BBS7: variants seen among roughly 807,000 people sequenced by gnomAD.
BBS7 encodes Bardet-Biedl syndrome 7.
In BBS7, 50 loss-of-function variants were observed where a neutral mutation model predicts 90.3. The ratio of observed to expected loss-of-function variants is 0.55; its 90% CI spans 0.44 to 0.70. The LOEUF is 0.70. Ranked by LOEUF, BBS7 falls within the 30% of genes least tolerant of loss-of-function variation. The pLI is 0.00. For synonymous variants in BBS7, 235 were observed against 287.4 expected (o/e 0.82, Z 1.85); for missense variants, 729 against 838.9 (o/e 0.87, Z 1.62).
At chr4:121,847,559 G>T in intron 9 of BBS7, 53 bp from the exon 10 acceptor site, 1 of 1,258,162 alleles carries the variant, frequency 7.9e-7, no homozygotes, top group South Asian at 1.2e-5. Context: ...GTGTTAAAAA[G>T]ATAAATTATG....
intron 1 of BBS7, among the ~76,000 whole-genome samples, chr4:121,868,396 C>T (rs191854477): frequency 2.1e-4 from 32 of 152,038 alleles, no homozygotes; most frequent in African/African-American, 5.8e-4. Context: ...AAAAATGCAA[C>T]GGAAGACCAC....
intron 3 of BBS7, among the ~76,000 whole-genome samples, chr4:121,862,614 T>C (rs879503549): frequency 1.3e-5 from 2 of 152,212 alleles, no homozygotes; most frequent in Non-Finnish European, 2.9e-5. Context: ...ATGATTACAT[T>C]ATGCTACATA....
chr4:121,855,247 G>A (rs752655708), intron 6 of BBS7, among the ~76,000 whole-genome samples: 23 of 152,090 alleles, frequency 1.5e-4, no homozygotes, highest in Non-Finnish European at 2.8e-4. Flanking sequence ...GGTCGAGGCC[G>A]TGGTGAGCTG....
At chr4:121,836,742 T>C (rs905191469) in intron 13 of BBS7, among the ~76,000 whole-genome samples, 4 of 152,204 alleles carry the variant, frequency 2.6e-5, no homozygotes, top group African/African-American at 7.2e-5. Flanking sequence ...TCTATTTTCC[T>C]AAGTGGCTGT....
chr4:121,840,770 C>T (rs1725696640), intron 12 of BBS7, among the ~76,000 whole-genome samples: 1 of 151,634 alleles, frequency 6.6e-6, no homozygotes, highest in Non-Finnish European at 1.5e-5. Flanking sequence ...AAATATAAAA[C>T]TCAAACATTT....
chr4:121,870,324 C>T lies in BBS7; in HGVS notation c.-11G>A. ...TAAAATCAGATCCATGATGACTACG[C>T]GGAGGGGCTAAGCAGCGCCGGACAA... On this transcript the variant is annotated 5_prime_UTR_variant, in exon 1 of 19. Transcript: ENST00000264499. 5.0e-6 allele frequency: 8 copies of T among 1,614,126 alleles called. No individual in the cohort carries two copies. Among genetic ancestry groups the T allele is most frequent in the Non-Finnish European group, 6.8e-6 (8 of 1,179,988 alleles).
chr4:121,832,491 C>G (rs1372050493), intron 15 of BBS7, among the ~76,000 whole-genome samples: 1 of 152,090 alleles, frequency 6.6e-6, no homozygotes, highest in Non-Finnish European at 1.5e-5. Context: ...ATTTCACATT[C>G]AGAGACAGGT....
At chr4:121,866,655 G>A (rs140886180) in intron 2 of BBS7, among the ~76,000 whole-genome samples, 1 of 152,270 alleles carries the variant, frequency 6.6e-6, no homozygotes, top group East Asian at 1.9e-4. Context: ...TGAATATTCA[G>A]TTTTCCCAGC....
rs1276298377 is a variant in BBS7 at position 121,835,002 on chromosome 4, T to C, written c.1511+142A>G. Reference sequence around the variant, plus strand: ...CAAAGAATCTTATATTTATTGGAAATATTAAATCTATAATATTTAAACTGT... The same window carrying C: ...CAAAGAATCTTATATTTATTGGAAACATTAAATCTATAATATTTAAACTGT... On this transcript the variant is annotated intron_variant, in intron 14 of 18. Transcript: ENST00000264499. The C allele has an allele frequency of 5.0e-6, 4 of 796,476 alleles. No homozygotes were observed. In the African/African-American group the frequency reaches 7.1e-5, roughly 14 times the overall value. 49.3% of individuals were successfully genotyped at this position (796,476 alleles called of 1,614,324 possible).
At chr4:121,852,455 T>C (rs2149076643) in intron 8 of BBS7, among the ~76,000 whole-genome samples, 1 of 152,260 alleles carries the variant, frequency 6.6e-6, no homozygotes, top group East Asian at 1.9e-4. Context: ...TTTAATTACA[T>C]TTAAAATTTG....
intron 15 of BBS7, among the ~76,000 whole-genome samples, chr4:121,829,795 G>A (rs904918014): frequency 6.6e-6 from 1 of 152,152 alleles, no homozygotes; most frequent in Admixed American, 6.5e-5. Flanking sequence ...TGGATTCTAG[G>A]AACTGCTGGT....
At chr4:121,831,873 AC>A (rs1425358094) in intron 15 of BBS7, among the ~76,000 whole-genome samples, 2 of 152,182 alleles carry the variant, frequency 1.3e-5, no homozygotes, top group Non-Finnish European at 2.9e-5. Context: ...TCTAGTTGAG[AC>A]TTTACCATGC....
chr4:121,838,921 T>C (rs1310203866), intron 13 of BBS7, among the ~76,000 whole-genome samples: 1 of 148,576 alleles, frequency 6.7e-6, no homozygotes, highest in Non-Finnish European at 1.5e-5. Flanking sequence ...AAAAAAAAGA[T>C]GACTGGATTA....
Position 121,863,358 on chromosome 4 carries a change from TCTTAATTTATAAATACTGA to T in BBS7, c.103-98_103-80del, listed in dbSNP as rs1333544146. The stretch of plus-strand genomic sequence containing the variant: ...TAATTATATACAGGGAAAGCAAGAT[TCTTAATTTATAAATACTGA>T]CTTAATAGAGATCAGAAAATCTAGG... On this transcript the variant is annotated intron_variant, in intron 2 of 18. Coordinates refer to ENST00000264499, the MANE Select transcript of BBS7 (RefSeq NM_176824.3). The T allele has an allele frequency of 1.3e-5, 16 of 1,247,906 alleles. No individual in the cohort carries two copies. In the African/African-American group the frequency reaches 1.7e-4, roughly 13 times the overall value. The allele number at this position is 1,247,906 out of a possible 1,614,324, so 77.3% of individuals were successfully genotyped here.
In BBS7 at chr4:121,854,812, C is replaced by G; in HGVS notation, c.610G>C (p.Gly204Arg). 6.2e-7 allele frequency: 1 copy of G among 1,611,508 alleles called. No homozygotes were observed. Among genetic ancestry groups the G allele is most frequent in the Non-Finnish European group, 8.5e-7 (1 of 1,178,280 alleles). ...GATGTCCCAAACAAAAGGTCTTCTC[C>G]AGAGTCACCTACTTATAATTAAAGT... The part of the protein sequence containing the change: ...ALHNGNGGDS[G>R]EDLLFGTSDG... Residue 204 changes from glycine to arginine, a missense_variant, in exon 7 of 19, where the codon GGA becomes CGA. Physicochemically the swap from Gly to Arg is moderately radical, Grantham distance 125 (BLOSUM62 -2). Coordinates refer to ENST00000264499, the MANE Select transcript of BBS7 (RefSeq NM_176824.3).
intron 11 of BBS7, among the ~76,000 whole-genome samples, 155 bp from the exon 12 acceptor site, chr4:121,844,156 C>A (rs1725884097): frequency 6.6e-6 from 1 of 152,040 alleles, no homozygotes; most frequent in South Asian, 2.1e-4. Context: ...ATAGTATATA[C>A]TTCCAGAAAA....
chr4:121,848,567 CTATTT>C (rs757944254), intron 9 of BBS7, among the ~76,000 whole-genome samples: 4 of 152,108 alleles, frequency 2.6e-5, no homozygotes, highest in Admixed American at 6.5e-5. Context: ...TATAATTGCT[CTATTT>C]TATTATTCGT....
intron 2 of BBS7, among the ~76,000 whole-genome samples, chr4:121,865,907 C>A (rs1034337396): frequency 6.6e-6 from 1 of 152,138 alleles, no homozygotes; most frequent in Non-Finnish European, 1.5e-5. Context: ...TTTTTGATAA[C>A]AGCCATTCTA....
rs528438831 is a variant in BBS7 at position 121,860,080 on chromosome 4, A to G, written c.342-902T>C. On this transcript the variant is annotated intron_variant, in intron 4 of 18. Transcript: ENST00000264499. Reference sequence around the variant, plus strand: ...ATTAAAATTATTCTCTGAAGAGCTTATCCTATAATAATCCTCCCTGATTTT... The same window carrying G: ...ATTAAAATTATTCTCTGAAGAGCTTGTCCTATAATAATCCTCCCTGATTTT... Among the ~76,000 whole-genome samples the G allele has an allele frequency of 1.8e-4, 27 of 152,250 alleles. No individual in the cohort carries two copies. In the East Asian group the frequency reaches 5.0e-3, roughly 28 times the overall value.
Sources: allele counts gnomAD v4.1 joint callset (sites outside exome capture counted in the v4.1 genomes callset), GRCh38; gene constraint gnomAD v4.1.1; transcripts MANE v1.5; gene names NCBI Gene and HGNC (gene_info 2026-07-23, HGNC 2026-07-21).